ADCY9: variants seen among roughly 807,000 people sequenced by gnomAD.
ADCY9 encodes the protein adenylate cyclase type 9.
A neutral mutation model predicts 101.5 loss-of-function variants in ADCY9; 50 were observed. The ratio of observed to expected loss-of-function variants is 0.49; its 90% confidence interval spans 0.39 to 0.62. The LOEUF is 0.62. Ranked by LOEUF, ADCY9 falls within the 20% of genes least tolerant of loss-of-function variation. ADCY9 has a pLI of 0.00. For synonymous variants in ADCY9, 905 were observed against 769.3 expected (o/e 1.18, Z -2.92); for missense variants, 1,662 against 1,800.4 (o/e 0.92, Z 1.39).
At chr16:4,103,753 C>A (rs903065603) in intron 2 of ADCY9, among the ~76,000 whole-genome samples, 3 of 152,134 alleles carry the variant, frequency 2.0e-5, no homozygotes, top group African/African-American at 7.2e-5. Context: ...ATCACTTGAA[C>A]CCAGGAGGCG....
intron 2 of ADCY9, among the ~76,000 whole-genome samples, chr16:4,055,884 T>C (rs2056734564): frequency 6.6e-6 from 1 of 151,324 alleles, no homozygotes; most frequent in South Asian, 2.1e-4. Flanking sequence ...AGAACAAAGG[T>C]GCCACTTCTA....
At chr16:3,991,670 A>T (rs2056244680) in intron 5 of ADCY9, among the ~76,000 whole-genome samples, 1 of 150,046 alleles carries the variant, frequency 6.7e-6, no homozygotes, top group Non-Finnish European at 1.5e-5. Flanking sequence ...CCTAGGCAGG[A>T]GAATTACTTG....
chr16:4,010,296 G>A (rs2056395106), intron 2 of ADCY9, among the ~76,000 whole-genome samples: 2 of 152,196 alleles, frequency 1.3e-5, no homozygotes, highest in Admixed American at 6.5e-5. Context: ...TCTCCTAGAA[G>A]TGCGTGGCAA....
intron 2 of ADCY9, among the ~76,000 whole-genome samples, chr16:4,057,047 C>CG (rs996246850): frequency 2.8e-5 from 4 of 142,454 alleles, no homozygotes; most frequent in South Asian, 2.3e-4. Context: ...CGCCCCCCCC[C>CG]CCCCCGCCAA....
At chr16:4,046,446 G>A (rs1016129652) in intron 2 of ADCY9, among the ~76,000 whole-genome samples, 2 of 152,304 alleles carry the variant, frequency 1.3e-5, no homozygotes, top group Admixed American at 1.3e-4. Flanking sequence ...TTGCTTGTGT[G>A]TGTGTGTCCT....
chr16:3,979,069 G>A (rs1295834717), intron 8 of ADCY9, 47 bp downstream of exon 8: 3 of 1,606,198 alleles, frequency 1.9e-6, no homozygotes, highest in Admixed American at 1.7e-5. Context: ...AGAGAGATTA[G>A]GGAGTCCAGG....
At chr16:4,090,071 T>C (rs1303244159) in intron 2 of ADCY9, among the ~76,000 whole-genome samples, 1 of 152,090 alleles carries the variant, frequency 6.6e-6, no homozygotes, top group Admixed American at 6.5e-5. Flanking sequence ...CTACAGGCCA[T>C]TCCAAGCTCC....
chr16:3,968,615 T>C (rs1027195230), intron 10 of ADCY9, among the ~76,000 whole-genome samples: 1 of 152,230 alleles, frequency 6.6e-6, no homozygotes, highest in Non-Finnish European at 1.5e-5. Context: ...TATTTTCTCA[T>C]GGCTGTGCAG....
At chr16:3,994,658 A>G (rs923438588) in intron 3 of ADCY9, among the ~76,000 whole-genome samples, 1 of 152,184 alleles carries the variant, frequency 6.6e-6, no homozygotes, top group African/African-American at 2.4e-5. Flanking sequence ...GGGTTTCGCC[A>G]TGTTGGCCAG....
chr16:4,067,498 C>A (rs1393698402), intron 2 of ADCY9, among the ~76,000 whole-genome samples: 1 of 152,262 alleles, frequency 6.6e-6, no homozygotes, highest in East Asian at 1.9e-4. Flanking sequence ...AAACCCAGGA[C>A]TTCTGCTTCA....
intron 2 of ADCY9, among the ~76,000 whole-genome samples, chr16:4,048,605 C>G (rs1168282679): frequency 1.3e-5 from 2 of 152,220 alleles, no homozygotes; most frequent in Non-Finnish European, 2.9e-5. Context: ...AAGAATCACA[C>G]AGATAGGCCC....
chr16:3,973,915 G>C (rs915104000), intron 10 of ADCY9, among the ~76,000 whole-genome samples: 1 of 152,008 alleles, frequency 6.6e-6, no homozygotes, highest in East Asian at 1.9e-4. Flanking sequence ...GAAAACTATT[G>C]AATTTTACTT....
chr16:4,049,111 G>A (rs1270426104), intron 2 of ADCY9, among the ~76,000 whole-genome samples: 4 of 152,204 alleles, frequency 2.6e-5, no homozygotes, highest in Non-Finnish European at 5.9e-5. Context: ...GGCTCACCCG[G>A]AAGGCATTAC....
chr16:4,001,008 C>CACACACACACACAT lies in ADCY9; in HGVS notation c.1884+6359_1884+6360insATGTGTGTGTGTGT, dbSNP rs3222326. Among the ~76,000 whole-genome samples, 106 of 135,704 alleles carry CACACACACACACAT rather than the reference C, an allele frequency of 7.8e-4. 1 individual carries two copies. The highest frequency in any genetic ancestry group is 2.6e-3 in the East Asian group (13 of 5,050). 89.0% of individuals were successfully genotyped at this position (135,704 alleles called of 152,430 possible). On this transcript the variant is annotated intron_variant, in intron 3 of 10. Coordinates refer to ENST00000294016, the MANE Select transcript of ADCY9 (RefSeq NM_001116.4). ...ACACACACACACACACACACACACA[C>CACACACACACACAT]ATATATAATTTCTTACTTTGAAATA...
chr16:4,092,374 C>T lies in ADCY9; in HGVS notation c.1693+21376G>A, dbSNP rs563412986. Among the ~76,000 whole-genome samples the T allele has an allele frequency of 2.6e-5, 4 of 152,294 alleles. No individual in the cohort carries two copies. The South Asian group carries it at 8.3e-4, about 32-fold the overall frequency. ...AATTTCTACAGTGACTCCTACCAGA[C>T]GTTTCTTGGGAAAGTAAGCAAAGTC... is the stretch of plus-strand genomic sequence containing the variant. On this transcript the variant is annotated intron_variant, in intron 2 of 10. Transcript: ENST00000294016.
At chr16:4,063,173 A>T (rs554472803) in intron 2 of ADCY9, among the ~76,000 whole-genome samples, 4 of 152,340 alleles carry the variant, frequency 2.6e-5, no homozygotes, top group Admixed American at 6.5e-5. Context: ...TGAAATTTTT[A>T]AAAATCAAGA....
chr16:3,992,437 A>C lies in ADCY9; in HGVS notation c.1990-74T>G. On this transcript the variant is annotated intron_variant, in intron 4 of 10. Coordinates refer to ENST00000294016, the MANE Select transcript of ADCY9 (RefSeq NM_001116.4). This position sits in a 1 kb window ranked among gnomAD's most constrained non-coding sequence, Gnocchi z 4.2. ...GGCACTGGGCACACACGCCTGTCCC[A>C]CCCCGACCTCCGCTGCGGGGCGCTG... The C allele has an allele frequency of 7.1e-7, 1 of 1,400,144 alleles. No individual in the cohort carries two copies. The allele number at this position is 1,400,144 out of a possible 1,614,324, so 86.7% of individuals were successfully genotyped here.
chr16:4,021,881 C>T (rs1291446537), intron 2 of ADCY9, among the ~76,000 whole-genome samples: 1 of 152,230 alleles, frequency 6.6e-6, no homozygotes, highest in Non-Finnish European at 1.5e-5. Flanking sequence ...ATAACGCCTT[C>T]TGGAAACTCG....
intron 2 of ADCY9, among the ~76,000 whole-genome samples, chr16:4,089,455 T>G (rs2056960049): frequency 1.3e-5 from 2 of 152,000 alleles, no homozygotes; most frequent in African/African-American, 4.8e-5. Flanking sequence ...ATGTGTTACT[T>G]GTTTTGTTTA....
Sources: gnomAD v4.1 joint callset for allele counts (sites outside exome capture counted in the v4.1 genomes callset) on GRCh38, gnomAD v4.1.1 for gene constraint, Gnocchi (gnomAD v3.1) non-coding constraint, MANE v1.5 for transcripts, NCBI Gene and HGNC (gene_info 2026-07-23, HGNC 2026-07-21) for gene names.